The following PDXK variants were observed in gnomAD, a reference collection of about 807,000 sequenced individuals.
PDXK encodes the protein epididymis secretory sperm binding protein Li 1a.
In PDXK, 15 loss-of-function variants were observed where a neutral mutation model predicts 43.2. The ratio of observed to expected loss-of-function variants is 0.35; its 90% CI spans 0.23 to 0.53. PDXK has a LOEUF of 0.53. Among genes scored for constraint, PDXK ranks in the 20% least tolerant of loss-of-function variants. The pLI is 0.92. For synonymous variants in PDXK, 172 were observed against 165.4 expected (o/e 1.04, Z -0.31); for missense variants, 343 against 417.0 (o/e 0.82, Z 1.54).
intron 1 of PDXK, among the ~76,000 whole-genome samples, chr21:43,720,251 C>T (rs974396020): frequency 4.6e-5 from 7 of 152,124 alleles, no homozygotes; most frequent in African/African-American, 1.7e-4. Context: ...GGTGCCCTGC[C>T]GGGTCGTGCT....
chr21:43,736,962 T>A (rs1350720075), intron 2 of PDXK: 1 of 702,418 alleles, frequency 1.4e-6, no homozygotes, highest in South Asian at 1.5e-5. Flanking sequence ...AGAGACAAGG[T>A]CGGTCTCTGT....
chr21:43,741,620 A>T, intron 2 of PDXK, 47 bp from the exon 3 acceptor site: 3 of 1,597,100 alleles, frequency 1.9e-6, no homozygotes, highest in Non-Finnish European at 2.6e-6. Context: ...CCACGGCCCC[A>T]GCTGGCCCCC....
At chr21:43,740,041 C>T (rs2083467556) in intron 2 of PDXK, among the ~76,000 whole-genome samples, 1 of 151,606 alleles carries the variant, frequency 6.6e-6, no homozygotes, top group East Asian at 1.9e-4. Flanking sequence ...ACCCAGAGTC[C>T]ATCAGGGGCT....
Position 43,737,620 on chromosome 21 carries a change from A to C in PDXK, c.142+3497A>C. ...GGCTTGGTGGTCCCTGCTGCAGGGA[A>C]GGGGCAGCTGGTGTGAACACAAGGA... is the stretch of plus-strand genomic sequence containing the variant. On this transcript the variant is annotated intron_variant, in intron 2 of 10. Transcript: ENST00000291565. The surrounding 1 kb of genome is among the most constrained non-coding windows in gnomAD (Gnocchi z 4.8). 1 of 988,244 alleles carries C rather than the reference A, an allele frequency of 1.0e-6. No homozygotes were observed. The highest frequency in any genetic ancestry group is 1.2e-6 in the Non-Finnish European group (1 of 832,130). The allele number at this position is 988,244 out of a possible 1,614,324, so 61.2% of individuals were successfully genotyped here. A position where few individuals can be genotyped will look rare whatever the true frequency, so the allele number is the denominator to read the frequency against.
chr21:43,741,634 T>C (rs749200755), intron 2 of PDXK, 33 bp from the exon 3 acceptor site: 12 of 1,601,080 alleles, frequency 7.5e-6, no homozygotes, highest in Non-Finnish European at 1.0e-5. Flanking sequence ...GGCCCCCTTG[T>C]GTCTGAGCCC....
intron 1 of PDXK, among the ~76,000 whole-genome samples, chr21:43,731,272 TC>T (rs1388667020): frequency 6.6e-6 from 1 of 152,222 alleles, no homozygotes; most frequent in Non-Finnish European, 1.5e-5. Flanking sequence ...CTCTGATTTT[TC>T]CTTCTGCCCT....
chr21:43,736,249 A>T (rs2083399639), intron 2 of PDXK, among the ~76,000 whole-genome samples: 1 of 152,176 alleles, frequency 6.6e-6, no homozygotes, highest in Non-Finnish European at 1.5e-5. Flanking sequence ...GTCTGCATGC[A>T]CGACGGGCCT....
chr21:43,733,563 C>G (rs904099416), intron 1 of PDXK: 2 of 718,330 alleles, frequency 2.8e-6, no homozygotes, highest in African/African-American at 3.8e-5. Flanking sequence ...CACACACCCA[C>G]TCCCTGACTC....
At chr21:43,722,693 C>T (rs775173184) in intron 1 of PDXK, among the ~76,000 whole-genome samples, 3 of 152,100 alleles carry the variant, frequency 2.0e-5, no homozygotes, top group African/African-American at 4.8e-5. Context: ...GGCTCACGGC[C>T]GAATCACTCC....
chr21:43,737,264 C>A lies in PDXK; in HGVS notation c.142+3141C>A. On this transcript the variant is annotated intron_variant, in intron 2 of 10. Transcript: ENST00000291565. This position sits in a 1 kb window ranked among gnomAD's most constrained non-coding sequence, Gnocchi z 4.8. ...GGAAAGCCGATCCCCCAAGTGCCTG[C>A]AGAGCCCACCTGGCGCAGGCCTCGC... The A allele has an allele frequency of 7.0e-7, 1 of 1,420,048 alleles. No homozygotes were observed. The highest frequency in any genetic ancestry group is 9.2e-7 in the Non-Finnish European group (1 of 1,090,488). The allele number at this position is 1,420,048 out of a possible 1,614,324, so 88.0% of individuals were successfully genotyped here.
At chr21:43,719,628 G>A (rs2083189843) in intron 1 of PDXK, 4 of 985,430 alleles carry the variant, frequency 4.1e-6, no homozygotes, top group Non-Finnish European at 4.8e-6. Flanking sequence ...TACGCGGGTA[G>A]GAGGGAGCCC....
At position 43,752,275 on chromosome 21, in the gene PDXK, CAG is replaced by C. The variant is rs577385880; in HGVS notation, c.511-242_511-241del. On this transcript the variant is annotated intron_variant, in intron 7 of 10. Transcript: ENST00000291565. The stretch of plus-strand genomic sequence containing the variant: ...CACCCCCCAAGGGGGAGGCCCTCGC[CAG>C]TCACCTGTGGGGAGCCACACGGTTT... 3.5e-4 allele frequency among the ~76,000 whole-genome samples: 53 copies of C among 152,388 alleles called. 2 individuals are homozygous for C. In the South Asian group the frequency reaches 0.011, roughly 30 times the overall value.
chr21:43,740,621 C>G (rs970289174), intron 2 of PDXK, among the ~76,000 whole-genome samples: 1 of 151,912 alleles, frequency 6.6e-6, no homozygotes, highest in Non-Finnish European at 1.5e-5. Context: ...GCAGGAAGGG[C>G]TCCCAGGAGG....
At chr21:43,740,863 T>C (rs1444172635) in intron 2 of PDXK, among the ~76,000 whole-genome samples, 1 of 151,132 alleles carries the variant, frequency 6.6e-6, no homozygotes, top group Non-Finnish European at 1.5e-5. Context: ...GGTGGGGACA[T>C]AACAAGCCCT....
rs147957333 is a variant in PDXK, at chr21:43,756,879, C to A, written c.*816C>A. The stretch of plus-strand genomic sequence containing the variant: ...CTCCAGAGAACCACCCCGTCAGGTT[C>A]CTTGTGGAAGCTCCCCTCATCCGTG... On this transcript the variant is annotated 3_prime_UTR_variant, in exon 11 of 11. Transcript: ENST00000291565. 1.3e-5 allele frequency: 2 copies of A among 152,528 alleles called. No individual in the cohort carries two copies. The highest frequency in any genetic ancestry group is 3.9e-4 in the East Asian group (2 of 5,192). 9.4% of individuals were successfully genotyped at this position (152,528 alleles called of 1,614,324 possible).
intron 1 of PDXK, chr21:43,720,011 G>A (rs1257063732): frequency 2.5e-6 from 2 of 806,142 alleles, no homozygotes; most frequent in African/African-American, 1.9e-5. Flanking sequence ...ATCCCTGCAG[G>A]TGTTTGCTCT....
chr21:43,734,174 G>T lies in PDXK; in HGVS notation c.142+51G>T. 6.6e-7 allele frequency: 1 copy of T among 1,517,740 alleles called. No individual in the cohort carries two copies. The highest frequency in any genetic ancestry group is 9.0e-7 in the Non-Finnish European group (1 of 1,111,066). 94.0% of individuals were successfully genotyped at this position (1,517,740 alleles called of 1,614,324 possible). ...CATAGAGCAGACTGTGGGTGTGAGG[G>T]ACGGGGCGGAGTGTGGGTGTGAGGG... On this transcript the variant is annotated intron_variant, in intron 2 of 10. Transcript: ENST00000291565. This position sits in a 1 kb window ranked among gnomAD's most constrained non-coding sequence, Gnocchi z 5.0.
At position 43,743,637 on chromosome 21, in the gene PDXK, T is replaced by C; in HGVS notation, c.248-87T>C. ...CCTCCCCAGCCACCCCTCTGCAGGG[T>C]CTGCTGGTGCTTCTCTTTCTTTGTG... On this transcript the variant is annotated intron_variant, in intron 3 of 10. Coordinates refer to ENST00000291565, the MANE Select transcript of PDXK (RefSeq NM_003681.5). 2.5e-5 allele frequency: 20 copies of C among 807,106 alleles called. No homozygotes were observed. The South Asian group carries it at 2.8e-4, about 11-fold the overall frequency. 50.0% of individuals were successfully genotyped at this position (807,106 alleles called of 1,614,324 possible). A position where few individuals can be genotyped will look rare whatever the true frequency, so the allele number is the denominator to read the frequency against.
chr21:43,741,141 A>G (rs1306230592), intron 2 of PDXK: 2 of 59,748 alleles, frequency 3.3e-5, no homozygotes, highest in African/African-American at 1.5e-4. Flanking sequence ...ACCATCCCTG[A>G]CAGTGCAGGG....
Sources: gnomAD v4.1 joint callset for allele counts (sites outside exome capture counted in the v4.1 genomes callset) on GRCh38, gnomAD v4.1.1 for gene constraint, Gnocchi (gnomAD v3.1) non-coding constraint, MANE v1.5 for transcripts, NCBI Gene and HGNC (gene_info 2026-07-23, HGNC 2026-07-21) for gene names.